The following USP3 variants were observed in gnomAD, a reference collection of about 807,000 sequenced individuals.
USP3 encodes ubiquitin carboxyl-terminal hydrolase 3.
A neutral mutation model predicts 72.3 loss-of-function variants in USP3; 20 were observed. The observed-to-expected ratio is 0.28, with a 90% confidence interval of 0.19 to 0.40. The LOEUF (loss-of-function observed/expected upper bound fraction) is 0.40. Ranked by LOEUF, USP3 falls within the 10% of genes least tolerant of loss-of-function variation. The pLI is 1.00. For synonymous variants in USP3, 222 were observed against 225.3 expected (o/e 0.99, Z 0.13); for missense variants, 479 against 633.9 (o/e 0.76, Z 2.62).
At position 63,590,947 on chromosome 15, in the gene USP3, T is replaced by G; in HGVS notation, c.*121T>G. The G allele has an allele frequency of 2.3e-6, 3 of 1,290,178 alleles. No individual in the cohort carries two copies. The South Asian group carries it at 5.6e-5, about 24-fold the overall frequency. The allele number at this position is 1,290,178 out of a possible 1,614,324, so 79.9% of individuals were successfully genotyped here. A position where few individuals can be genotyped will look rare whatever the true frequency, so the allele number is the denominator to read the frequency against. The stretch of plus-strand genomic sequence containing the variant: ...TTCAATTTCCTATTTTGGATTTAGT[T>G]TTGTCAATGGTAGTGACTTACTGAA... On this transcript the variant is annotated 3_prime_UTR_variant, in exon 15 of 15. Coordinates refer to ENST00000380324, the MANE Select transcript of USP3 (RefSeq NM_006537.4).
At chr15:63,547,470 T>TTG (rs1385099322) in intron 3 of USP3, among the ~76,000 whole-genome samples, 1 of 151,994 alleles carries the variant, frequency 6.6e-6, no homozygotes, top group Non-Finnish European at 1.5e-5. Flanking sequence ...TGGCTCAGTC[T>TTG]TGTAATCCTA....
intron 1 of USP3, among the ~76,000 whole-genome samples, chr15:63,522,949 C>G (rs1483194230): frequency 2.6e-5 from 4 of 152,162 alleles, no homozygotes; most frequent in Non-Finnish European, 4.4e-5. Context: ...AGTTTTGACA[C>G]TTGAGTTGCT....
chr15:63,557,297 C>T (rs191367514), intron 5 of USP3, among the ~76,000 whole-genome samples: 2 of 151,364 alleles, frequency 1.3e-5, no homozygotes, highest in African/African-American at 4.9e-5. Context: ...GAGTCTCACT[C>T]TGTCACCCAG....
At chr15:63,516,453 T>A (rs2065851718) in intron 1 of USP3, among the ~76,000 whole-genome samples, 4 of 152,186 alleles carry the variant, frequency 2.6e-5, no homozygotes, top group African/African-American at 9.6e-5. Flanking sequence ...ATCAAGCTCC[T>A]TTCTCACAGG....
intron 11 of USP3, among the ~76,000 whole-genome samples, chr15:63,583,411 C>A (rs985541952): frequency 5.3e-5 from 8 of 152,066 alleles, no homozygotes; most frequent in Admixed American, 2.0e-4. Flanking sequence ...CTTCAGTGAG[C>A]TATTTTATAC....
chr15:63,511,266 T>TAAAAAAAAAAAAA (rs61283920), intron 1 of USP3, among the ~76,000 whole-genome samples: 11,364 of 42,286 alleles, frequency 0.27, 2,965 homozygotes, highest in East Asian at 0.73. Flanking sequence ...TGCTTTTTCT[T>TAAAAAAAAAAAAA]AAAAAAAAAA....
chr15:63,571,571 T>C (rs192247878), intron 9 of USP3, among the ~76,000 whole-genome samples: 43 of 152,330 alleles, frequency 2.8e-4, no homozygotes, highest in African/African-American at 1.0e-3. Context: ...TTAAAAAGTA[T>C]TAAATGAAAA....
intron 1 of USP3, among the ~76,000 whole-genome samples, chr15:63,512,284 T>C (rs1423129224): frequency 6.7e-6 from 1 of 149,570 alleles, no homozygotes; most frequent in Non-Finnish European, 1.5e-5. Flanking sequence ...CTTCTTCCTC[T>C]TCTTCCTCTT....
rs547494492 is a variant in USP3, at chr15:63,559,792, C to A, written c.534-65C>A. ...AGTTTCAAAATGTATATGTAGGCTT[C>A]ATCAACTTTCTTTACAGTCCTATTC... On this transcript the variant is annotated intron_variant, in intron 6 of 14. Transcript: ENST00000380324. 4.1e-5 allele frequency: 58 copies of A among 1,399,404 alleles called. No individual in the cohort carries two copies. In the African/African-American group the frequency reaches 8.0e-4, roughly 19 times the overall value. The allele number at this position is 1,399,404 out of a possible 1,614,324, so 86.7% of individuals were successfully genotyped here. A position where few individuals can be genotyped will look rare whatever the true frequency, so the allele number is the denominator to read the frequency against.
At chr15:63,548,682 T>C (rs544380263) in intron 3 of USP3, among the ~76,000 whole-genome samples, 14 of 152,300 alleles carry the variant, frequency 9.2e-5, no homozygotes, top group African/African-American at 3.1e-4. Context: ...TTGCCCAGGC[T>C]GGCCTAAAAT....
At chr15:63,525,165 C>G (rs551386319) in intron 1 of USP3, among the ~76,000 whole-genome samples, 1 of 152,228 alleles carries the variant, frequency 6.6e-6, no homozygotes, top group East Asian at 1.9e-4. Context: ...GAAAGGCAAC[C>G]AAGATAAACT....
In USP3 at chr15:63,514,315, T is replaced by TA. The variant is rs201204473; in HGVS notation, c.91+9494dup. 2.7e-3 allele frequency among the ~76,000 whole-genome samples: 406 copies of TA among 151,706 alleles called. 5 individuals carry two copies. The highest frequency in any genetic ancestry group is 0.023 in the East Asian group (117 of 5,188). On this transcript the variant is annotated intron_variant, in intron 1 of 14. Coordinates refer to ENST00000380324, the MANE Select transcript of USP3 (RefSeq NM_006537.4). The stretch of plus-strand genomic sequence containing the variant: ...TCATGTTTGAAAATTCTATCGATTG[T>TA]AAAAAAAAATTCCGACTCTTGGTTT...
chr15:63,539,094 C>G (rs2066203887), intron 3 of USP3, among the ~76,000 whole-genome samples: 1 of 152,116 alleles, frequency 6.6e-6, no homozygotes, highest in Admixed American at 6.5e-5. Context: ...TTTGCATTCC[C>G]CTTTCCCTCA....
chr15:63,516,959 A>G (rs2065858337), intron 1 of USP3, among the ~76,000 whole-genome samples: 1 of 146,590 alleles, frequency 6.8e-6, no homozygotes, highest in Non-Finnish European at 1.5e-5. Flanking sequence ...TATTAGTTGG[A>G]TGTTGGGTGT....
intron 1 of USP3, among the ~76,000 whole-genome samples, chr15:63,505,207 C>T (rs998188253): frequency 2.0e-5 from 3 of 151,994 alleles, no homozygotes; most frequent in African/African-American, 7.2e-5. Flanking sequence ...GGGTGTCCGG[C>T]CCCCGAGGGG....
intron 3 of USP3, among the ~76,000 whole-genome samples, chr15:63,550,165 G>A (rs112592753): frequency 0.023 from 3,494 of 152,270 alleles, 135 homozygotes; most frequent in African/African-American, 0.077. Context: ...AACTACAGGC[G>A]TGTGCCACCA....
intron 3 of USP3, among the ~76,000 whole-genome samples, chr15:63,539,776 G>A (rs917179170): frequency 6.6e-6 from 1 of 152,176 alleles, no homozygotes; most frequent in Non-Finnish European, 1.5e-5. Flanking sequence ...AGCTGCAGCT[G>A]GTCACATTGT....
At chr15:63,559,134 C>T (rs1272397552) in intron 6 of USP3, among the ~76,000 whole-genome samples, 2 of 152,104 alleles carry the variant, frequency 1.3e-5, no homozygotes, top group African/African-American at 4.8e-5. Flanking sequence ...ATAAATAACT[C>T]CCAGAAGCTT....
In USP3 at chr15:63,589,017, T is replaced by TACA; in HGVS notation, c.1397+10_1397+12dup. On this transcript the variant is annotated splice_region_variant and intron_variant, in intron 14 of 14. Coordinates refer to ENST00000380324, the MANE Select transcript of USP3 (RefSeq NM_006537.4). ...GTGGTGCACCATGGTTCCGGGTGAGTACAACAGCCAGCTTCTGGTGGGTGG... is the reference window on the plus strand; with the variant it reads ...GTGGTGCACCATGGTTCCGGGTGAGTACAACAACAGCCAGCTTCTGGTGGGTGG... 1 of 1,612,996 alleles carries TACA rather than the reference T, an allele frequency of 6.2e-7. No individual in the cohort carries two copies. The highest frequency in any genetic ancestry group is 8.5e-7 in the Non-Finnish European group (1 of 1,179,986).
Sources: gnomAD v4.1 joint callset for allele counts (sites outside exome capture counted in the v4.1 genomes callset) on GRCh38, gnomAD v4.1.1 for gene constraint, MANE v1.5 for transcripts, NCBI Gene and HGNC (gene_info 2026-07-23, HGNC 2026-07-21) for gene names.